The following DNM1L variants were observed in gnomAD, a reference collection of about 807,000 sequenced individuals.
The protein encoded by DNM1L is dynamin 1L, also known as dynamin-1-like protein.
DNM1L carries 33 observed loss-of-function variants against 92.8 expected under a neutral mutation model. That is an observed-to-expected ratio of 0.36 (90% CI 0.27 to 0.48). The LOEUF (loss-of-function observed/expected upper bound fraction) is 0.48. Among genes scored for constraint, DNM1L ranks in the 20% least tolerant of loss-of-function variants. The pLI is 0.99. For synonymous variants in DNM1L, 284 were observed against 305.0 expected (o/e 0.93, Z 0.72); for missense variants, 485 against 888.8 (o/e 0.55, Z 5.78).
chr12:32,718,209 TCA>T (rs1156682316), intron 6 of DNM1L, among the ~76,000 whole-genome samples: 2 of 148,882 alleles, frequency 1.3e-5, no homozygotes, highest in Non-Finnish European at 3.0e-5. Flanking sequence ...TGGCACGATC[TCA>T]GCTCACTGCA....
At chr12:32,713,715 T>G (rs953330909) in intron 6 of DNM1L, among the ~76,000 whole-genome samples, 1 of 152,116 alleles carries the variant, frequency 6.6e-6, no homozygotes, top group Non-Finnish European at 1.5e-5. Context: ...TGTGGTCACA[T>G]GTGCCTGCCG....
intron 14 of DNM1L, 176 bp downstream of exon 14, chr12:32,737,337 T>C (rs765780345): frequency 8.6e-5 from 52 of 604,936 alleles, no homozygotes; most frequent in Middle Eastern, 8.8e-4. Context: ...TTAAAGATAA[T>C]AGTATTTTGA....
chr12:32,738,142 A>T (rs937638173), intron 15 of DNM1L, 122 bp from the exon 16 acceptor site: 1 of 1,224,994 alleles, frequency 8.2e-7, no homozygotes, highest in Non-Finnish European at 1.2e-6. Flanking sequence ...TGCTTGCAAT[A>T]TAGAAGATGC....
In DNM1L at chr12:32,731,829, T is replaced by C. The variant is rs376003292; in HGVS notation, c.1357-25T>C. ...AAAAAAAAAACAAAAAACAAACACGTTTTTCTTTCATCTACCATTTGTAGG... is the reference window on the plus strand; with the variant it reads ...AAAAAAAAAACAAAAAACAAACACGCTTTTCTTTCATCTACCATTTGTAGG... On this transcript the variant is annotated intron_variant, in intron 11 of 19. Coordinates refer to ENST00000549701, the MANE Select transcript of DNM1L (RefSeq NM_012062.5). This position sits in a 1 kb window ranked among gnomAD's most constrained non-coding sequence, Gnocchi z 5.1. The C allele has an allele frequency of 3.3e-6, 5 of 1,498,676 alleles. No homozygotes were observed. Among genetic ancestry groups the C allele is most frequent in the Non-Finnish European group, 4.6e-6 (5 of 1,084,238 alleles). 92.8% of individuals were successfully genotyped at this position (1,498,676 alleles called of 1,614,324 possible). A position where few individuals can be genotyped will look rare whatever the true frequency, so the allele number is the denominator to read the frequency against.
intron 16 of DNM1L, among the ~76,000 whole-genome samples, chr12:32,739,042 T>C (rs1955101675): frequency 6.6e-6 from 1 of 152,212 alleles, no homozygotes; most frequent in African/African-American, 2.4e-5. Context: ...TGGTATGTCA[T>C]TCATGTATAG....
intron 16 of DNM1L, 92 bp downstream of exon 16, chr12:32,738,388 T>A: frequency 7.4e-7 from 1 of 1,352,530 alleles, no homozygotes; most frequent in South Asian, 1.2e-5. Context: ...GTTTGTGTAG[T>A]GGTATCTATC....
At chr12:32,718,792 G>T (rs762899546) in intron 7 of DNM1L, 29 bp downstream of exon 7, 4 of 1,611,818 alleles carry the variant, frequency 2.5e-6, no homozygotes, top group Non-Finnish European at 3.4e-6. Context: ...ATAAGAATTG[G>T]GATAAGCATT....
intron 6 of DNM1L, among the ~76,000 whole-genome samples, chr12:32,716,242 T>TTG (rs1555120113): frequency 6.8e-6 from 1 of 147,854 alleles, no homozygotes; most frequent in East Asian, 2.0e-4. Context: ...GAAAATTTGG[T>TTG]GGGGGGGGGT....
intron 9 of DNM1L, among the ~76,000 whole-genome samples, chr12:32,729,652 G>T (rs1031229204): frequency 1.4e-4 from 21 of 152,140 alleles, no homozygotes; most frequent in African/African-American, 4.8e-4. Context: ...TAGAGACTGG[G>T]TTTCACCATG....
intron 13 of DNM1L, among the ~76,000 whole-genome samples, chr12:32,736,167 G>A (rs1200416150): frequency 6.6e-6 from 1 of 150,400 alleles, no homozygotes; most frequent in African/African-American, 2.4e-5. Flanking sequence ...TGCCTCCTGG[G>A]TTCAAGCAGT....
intron 1 of DNM1L, among the ~76,000 whole-genome samples, chr12:32,683,834 T>C (rs1415314304): frequency 6.6e-6 from 1 of 152,140 alleles, no homozygotes; most frequent in Non-Finnish European, 1.5e-5. Context: ...TGAGCCACTG[T>C]GCTCGGCCTA....
intron 1 of DNM1L, among the ~76,000 whole-genome samples, chr12:32,689,680 C>G (rs911488068): frequency 1.3e-5 from 2 of 152,048 alleles, no homozygotes; most frequent in Non-Finnish European, 2.9e-5. Context: ...GAGAGGTCTG[C>G]CTTACACAAT....
intron 1 of DNM1L, among the ~76,000 whole-genome samples, chr12:32,681,610 G>A (rs115912643): frequency 2.4e-5 from 1 of 42,378 alleles, no homozygotes; most frequent in African/African-American, 8.0e-5. Flanking sequence ...CCCCGCCCCC[G>A]CCTTTTTTGT....
At chr12:32,682,016 A>G (rs1182778669) in intron 1 of DNM1L, among the ~76,000 whole-genome samples, 1 of 152,140 alleles carries the variant, frequency 6.6e-6, no homozygotes. Context: ...ATTAAAAAAC[A>G]ACTTCAAGTG....
At position 32,737,682 on chromosome 12, in the gene DNM1L, A is replaced by G. The variant is rs931019558; in HGVS notation, c.1597-183A>G. The G allele has an allele frequency of 1.0e-5, 6 of 586,432 alleles. No homozygotes were observed. The African/African-American group carries it at 1.1e-4, about 11-fold the overall frequency. 36.3% of individuals were successfully genotyped at this position (586,432 alleles called of 1,614,324 possible). A position where few individuals can be genotyped will look rare whatever the true frequency, so the allele number is the denominator to read the frequency against. Reference sequence around the variant, plus strand: ...TTTCTTATGTATTCATCTGAAGGAAACTTTTAACAAAGGTGACAATGGTGA... The same window carrying G: ...TTTCTTATGTATTCATCTGAAGGAAGCTTTTAACAAAGGTGACAATGGTGA... On this transcript the variant is annotated intron_variant, in intron 14 of 19. Coordinates refer to ENST00000549701, the MANE Select transcript of DNM1L (RefSeq NM_012062.5).
At chr12:32,700,212 C>A (rs538033534) in intron 1 of DNM1L, among the ~76,000 whole-genome samples, 1 of 152,074 alleles carries the variant, frequency 6.6e-6, no homozygotes, top group African/African-American at 2.4e-5. Flanking sequence ...CTCCACCTCC[C>A]GGGTTCAAGC....
At chr12:32,718,019 ATAT>A (rs1953609018) in intron 6 of DNM1L, among the ~76,000 whole-genome samples, 1 of 125,102 alleles carries the variant, frequency 8.0e-6, no homozygotes, top group Non-Finnish European at 1.6e-5. Context: ...TATAGTATAT[ATAT>A]TATAAATATA....
Position 32,738,181 on chromosome 12 carries a change from T to A in DNM1L, c.1675-83T>A. ...CAGAAAAAGTAATTTAAAGAGGAAATTATCCTGCACTTTTTGAATTTCAAC... is the reference window on the plus strand; with the variant it reads ...CAGAAAAAGTAATTTAAAGAGGAAAATATCCTGCACTTTTTGAATTTCAAC... On this transcript the variant is annotated intron_variant, in intron 15 of 19. Transcript: ENST00000549701. 2.0e-6 allele frequency: 3 copies of A among 1,510,462 alleles called. No individual in the cohort carries two copies. In the South Asian group the frequency reaches 3.4e-5, roughly 17 times the overall value. 93.6% of individuals were successfully genotyped at this position (1,510,462 alleles called of 1,614,324 possible).
At chr12:32,717,968 TTA>T (rs1371367097) in intron 6 of DNM1L, among the ~76,000 whole-genome samples, 6 of 102,808 alleles carry the variant, frequency 5.8e-5, no homozygotes, top group South Asian at 5.0e-4. Context: ...AGTATATATA[TTA>T]TATATAGTAT....
Sources: allele counts gnomAD v4.1 joint callset (sites outside exome capture counted in the v4.1 genomes callset), GRCh38; gene constraint gnomAD v4.1.1; non-coding constraint Gnocchi (gnomAD v3.1); transcripts MANE v1.5; gene names NCBI Gene and HGNC (gene_info 2026-07-23, HGNC 2026-07-21).